Variants in DCAF4 observed in about 807,000 individuals in gnomAD.
The protein encoded by DCAF4 is DDB1- and CUL4-associated factor 4.
DCAF4 carries 37 observed loss-of-function variants against 60.9 expected under a neutral mutation model. The observed-to-expected ratio is 0.61, with a 90% CI of 0.47 to 0.80. DCAF4 has a LOEUF of 0.80. Ranked by LOEUF, DCAF4 falls within the 30% of genes least tolerant of loss-of-function variation. The probability of loss-of-function intolerance (pLI) is 0.00; values close to 1 mark genes in which losing one functional copy is unlikely to be tolerated. For synonymous variants in DCAF4, 243 were observed against 254.8 expected (o/e 0.95, Z 0.44); for missense variants, 577 against 650.0 (o/e 0.89, Z 1.22).
In DCAF4 at chr14:72,956,264, A is replaced by G. The variant is rs115814270; in HGVS notation, c.1180-122A>G. The G allele has an allele frequency of 3.1e-3, 2,080 of 665,522 alleles. 30 individuals carry two copies. The African/African-American group carries it at 0.034, about 11-fold the overall frequency. 41.2% of individuals were successfully genotyped at this position (665,522 alleles called of 1,614,324 possible). On this transcript the variant is annotated intron_variant, in intron 12 of 13. Coordinates refer to ENST00000358377, the MANE Select transcript of DCAF4 (RefSeq NM_015604.4). The stretch of plus-strand genomic sequence containing the variant: ...GAACAACAAGGCTCAAGAATTCGAG[A>G]TGGAGATCTTCATGACCTGCACAGG...
intron 4 of DCAF4, among the ~76,000 whole-genome samples, chr14:72,941,466 T>A (rs1029880684): frequency 6.6e-6 from 1 of 152,192 alleles, no homozygotes; most frequent in Admixed American, 6.5e-5. Context: ...ATTGCTGCAC[T>A]CACGCACCTG....
In DCAF4 at chr14:72,951,809, T is replaced by C; in HGVS notation, c.740T>C (p.Met247Thr). The change falls in exon 9 of 14, where the codon ATG (methionine) becomes ACG (threonine). Residue 247 changes from methionine to threonine, a missense_variant. Met to Thr is a moderately conservative substitution (Grantham distance 81, BLOSUM62 -1). Transcript: ENST00000358377. ...ACAGCTTTTTCCAGGCTATGCCTCATGGGACTCGCAGAGACTCCAGGCTGT... is the reference window on the plus strand; with the variant it reads ...ACAGCTTTTTCCAGGCTATGCCTCACGGGACTCGCAGAGACTCCAGGCTGT... The part of the protein sequence containing the change: ...HLDSHILLCL[M>T]GLAETPGCAT... 1 of 1,614,174 alleles carries C rather than the reference T, an allele frequency of 6.2e-7. No homozygotes were observed. Among genetic ancestry groups the C allele is most frequent in the Non-Finnish European group, 8.5e-7 (1 of 1,180,026 alleles).
intron 1 of DCAF4, among the ~76,000 whole-genome samples, chr14:72,927,343 C>CTTTT (rs547199942): frequency 4.6e-5 from 4 of 87,354 alleles, no homozygotes; most frequent in African/African-American, 4.4e-5. Context: ...CGGTGGTGTT[C>CTTTT]TTTTTTTTTT....
At chr14:72,955,386 A>G in intron 11 of DCAF4, 137 bp from the exon 12 acceptor site, 5 of 1,066,586 alleles carry the variant, frequency 4.7e-6, no homozygotes, top group Non-Finnish European at 6.9e-6. Flanking sequence ...ATTGAGACCC[A>G]AACCCTGACC....
chr14:72,951,931 G>C, intron 9 of DCAF4, 54 bp downstream of exon 9: 1 of 1,598,014 alleles, frequency 6.3e-7, no homozygotes, highest in Non-Finnish European at 8.6e-7. Context: ...CGAGAGCTGT[G>C]TGGGGGTGGC....
Position 72,959,364 on chromosome 14 carries a change from G to A in DCAF4, c.*559G>A, listed in dbSNP as rs1892685931. 1 of 985,490 alleles carries A rather than the reference G, an allele frequency of 1.0e-6. No homozygotes were observed. The highest frequency in any genetic ancestry group is 4.7e-5 in the South Asian group (1 of 21,288). The allele number at this position is 985,490 out of a possible 1,614,324, so 61.0% of individuals were successfully genotyped here. On this transcript the variant is annotated 3_prime_UTR_variant, in exon 14 of 14. Coordinates refer to ENST00000358377, the MANE Select transcript of DCAF4 (RefSeq NM_015604.4). Reference sequence around the variant, plus strand: ...TCTCAAACTCAGCAGCAGATCTCCGGGATTCTGCTGTTATTATCCAAAGGC... The same window carrying A: ...TCTCAAACTCAGCAGCAGATCTCCGAGATTCTGCTGTTATTATCCAAAGGC...
At chr14:72,927,710 T>A (rs1398467504) in intron 1 of DCAF4, among the ~76,000 whole-genome samples, 2 of 152,130 alleles carry the variant, frequency 1.3e-5, no homozygotes, top group African/African-American at 4.8e-5. Flanking sequence ...GTGGAATCCC[T>A]GTTCCACCAT....
chr14:72,945,634 G>T (rs1594771735), intron 6 of DCAF4, among the ~76,000 whole-genome samples: 1 of 152,140 alleles, frequency 6.6e-6, no homozygotes, highest in Admixed American at 6.5e-5. Flanking sequence ...AGACTTTCTG[G>T]CCATGTCCCC....
At chr14:72,951,054 C>T (rs1427195396) in intron 8 of DCAF4, among the ~76,000 whole-genome samples, 2 of 151,984 alleles carry the variant, frequency 1.3e-5, no homozygotes, top group African/African-American at 2.4e-5. Context: ...GATCACAGCT[C>T]ACCGCAGCCT....
intron 6 of DCAF4, among the ~76,000 whole-genome samples, chr14:72,944,337 C>A (rs74939138): frequency 0.076 from 11,641 of 152,258 alleles, 632 homozygotes; most frequent in South Asian, 0.2. Context: ...TAACTTCTTC[C>A]TGAGTAAACT....
chr14:72,957,648 C>G (rs1412089785), intron 13 of DCAF4: 1 of 152,194 alleles, frequency 6.6e-6, no homozygotes, highest in Non-Finnish European at 1.5e-5. Flanking sequence ...AGAGCTCAGC[C>G]TTGCTGAGAG....
downstream of DCAF4, among the ~76,000 whole-genome samples, chr14:72,961,468 C>A (rs752903248): frequency 3.9e-5 from 6 of 152,188 alleles, no homozygotes; most frequent in Admixed American, 1.3e-4. Flanking sequence ...ACCATTTGGT[C>A]CAATTGATCT....
intron 4 of DCAF4, 127 bp downstream of exon 4, chr14:72,940,504 C>T (rs1456457218): frequency 1.1e-6 from 1 of 933,554 alleles, no homozygotes; most frequent in Non-Finnish European, 1.5e-6. Context: ...GGGGTGTGGC[C>T]CTAGCTTTTC....
Position 72,954,260 on chromosome 14 carries a change from C to T in DCAF4, c.905C>T (p.Thr302Ile). ...LNIQANNCFS[T>I]GLSRRVLLTN... Reference sequence around the variant, plus strand: ...ATCCAAGCAAATAACTGCTTCAGTACAGGTGAGCCTGGCTCCCCAGGTGCC... The same window carrying T: ...ATCCAAGCAAATAACTGCTTCAGTATAGGTGAGCCTGGCTCCCCAGGTGCC... Residue 302 changes from threonine (T) to isoleucine (I), a missense_variant and splice_region_variant, in exon 10 of 14, where the codon ACA becomes ATA. Coordinates refer to ENST00000358377, the MANE Select transcript of DCAF4 (RefSeq NM_015604.4). 5 of 1,614,196 alleles carry T rather than the reference C, an allele frequency of 3.1e-6. No homozygotes were observed. In the South Asian group the frequency reaches 3.3e-5, roughly 11 times the overall value.
In DCAF4 at chr14:72,958,816, C is replaced by T; in HGVS notation, c.*11C>T. The T allele has an allele frequency of 2.6e-6, 4 of 1,545,772 alleles. No individual in the cohort carries two copies. Among genetic ancestry groups the T allele is most frequent in the East Asian group, 2.3e-5 (1 of 44,442 alleles). Reference sequence around the variant, plus strand: ...TACTCCTACAGCTAATTCTGCAGGGCACAGCCCAGAGCCATGTGGATTTGA... The same window carrying T: ...TACTCCTACAGCTAATTCTGCAGGGTACAGCCCAGAGCCATGTGGATTTGA... On this transcript the variant is annotated 3_prime_UTR_variant, in exon 14 of 14. Transcript: ENST00000358377.
intron 1 of DCAF4, among the ~76,000 whole-genome samples, chr14:72,933,624 A>T (rs1888872269): frequency 6.6e-6 from 1 of 151,452 alleles, no homozygotes; most frequent in Non-Finnish European, 1.5e-5. Context: ...CATTTGTCCC[A>T]GTCCATGTCA....
chr14:72,959,407 A>T lies in DCAF4; in HGVS notation c.*602A>T. 1 of 985,460 alleles carries T rather than the reference A, an allele frequency of 1.0e-6. No homozygotes were observed. The highest frequency in any genetic ancestry group is 1.2e-6 in the Non-Finnish European group (1 of 829,958). 61.0% of individuals were successfully genotyped at this position (985,460 alleles called of 1,614,324 possible). ...CCAAAGGCGTTGGAAGGAAAGATGGATCTTCTTACATGCTAGAAGTTTTAA... is the reference window on the plus strand; with the variant it reads ...CCAAAGGCGTTGGAAGGAAAGATGGTTCTTCTTACATGCTAGAAGTTTTAA... On this transcript the variant is annotated 3_prime_UTR_variant, in exon 14 of 14. Coordinates refer to ENST00000358377, the MANE Select transcript of DCAF4 (RefSeq NM_015604.4).
At chr14:72,953,431 G>A (rs548729921) in intron 9 of DCAF4, among the ~76,000 whole-genome samples, 1 of 151,440 alleles carries the variant, frequency 6.6e-6, no homozygotes, top group African/African-American at 2.4e-5. Flanking sequence ...ATATTTTTTC[G>A]AAGCACAGTG....
At chr14:72,959,823 C>A, downstream of DCAF4, 1 of 278,620 alleles carries the variant, frequency 3.6e-6, no homozygotes, top group Non-Finnish European at 5.4e-6. Context: ...CACCTCTGGA[C>A]TAGGTCAGGG....
Sources: gnomAD v4.1 joint callset for allele counts (sites outside exome capture counted in the v4.1 genomes callset) on GRCh38, gnomAD v4.1.1 for gene constraint, MANE v1.5 for transcripts, NCBI Gene and HGNC (gene_info 2026-07-23, HGNC 2026-07-21) for gene names.